Variants in RSRC1 observed in about 807,000 individuals in gnomAD.
RSRC1 encodes arginine and serine rich coiled-coil 1.
Under a neutral mutation model 49.1 loss-of-function variants are expected in RSRC1, and 39 were observed. The ratio of observed to expected loss-of-function variants is 0.79; its 90% confidence interval spans 0.61 to 1.04. The LOEUF (loss-of-function observed/expected upper bound fraction) is 1.04. RSRC1 is among the 50% of genes least tolerant of loss of function. The pLI is 0.00. For synonymous variants in RSRC1, 143 were observed against 130.8 expected, an observed-to-expected ratio of 1.09 and a Z score of -0.63; for missense variants, 388 against 402.4, an observed-to-expected ratio of 0.96 and a Z score of 0.31.
chr3:158,379,873 T>C (rs555293933), intron 6 of RSRC1, among the ~76,000 whole-genome samples: 4 of 151,792 alleles, frequency 2.6e-5, no homozygotes, highest in Non-Finnish European at 5.9e-5. Flanking sequence ...TTGCTTCATT[T>C]TTCTGTTTTA....
intron 8 of RSRC1, among the ~76,000 whole-genome samples, chr3:158,537,773 A>G (rs1417464313): frequency 1.3e-5 from 2 of 151,642 alleles, no homozygotes; most frequent in South Asian, 2.1e-4. Context: ...AAATACATGT[A>G]TTCTTTAATA....
intron 7 of RSRC1, among the ~76,000 whole-genome samples, chr3:158,513,995 T>C: frequency 6.6e-6 from 1 of 152,172 alleles, no homozygotes; most frequent in Non-Finnish European, 1.5e-5. Flanking sequence ...TGCGTCTATT[T>C]GATTCTTCTC....
At chr3:158,506,892 T>C (rs1739885586) in intron 7 of RSRC1, among the ~76,000 whole-genome samples, 3 of 150,622 alleles carry the variant, frequency 2.0e-5, no homozygotes, top group Admixed American at 1.3e-4. Flanking sequence ...ATTTTATGTA[T>C]ATATCCCAAA....
chr3:158,438,755 A>G (rs1018873515), intron 6 of RSRC1, among the ~76,000 whole-genome samples: 8 of 152,206 alleles, frequency 5.3e-5, no homozygotes, highest in Admixed American at 4.6e-4. Context: ...GGACATAGGC[A>G]TGGGCAAGGA....
At position 158,282,949 on chromosome 3, in the gene RSRC1, CAT is replaced by C. The variant is rs368728341; in HGVS notation, c.495-15088_495-15087del. 6.3e-4 allele frequency among the ~76,000 whole-genome samples: 96 copies of C among 152,234 alleles called. No homozygotes were observed. In the South Asian group the frequency reaches 0.019, roughly 30 times the overall value. On this transcript the variant is annotated intron_variant, in intron 4 of 9. Transcript: ENST00000611884. ...GGTTAGTGATAGGAGCCAAAACTAA[CAT>C]AGACAAAGTGGGGATACATTATTGA...
chr3:158,390,958 CTTA>C (rs1374944406), intron 6 of RSRC1, among the ~76,000 whole-genome samples: 13 of 151,386 alleles, frequency 8.6e-5, no homozygotes, highest in Admixed American at 7.9e-4. Flanking sequence ...TCCAAAATTA[CTTA>C]TTATTTTTTC....
chr3:158,504,346 A>T (rs1739753163), intron 7 of RSRC1, among the ~76,000 whole-genome samples: 1 of 152,202 alleles, frequency 6.6e-6, no homozygotes, highest in African/African-American at 2.4e-5. Flanking sequence ...AGCCTCTGTG[A>T]TGCTGTCTGT....
At chr3:158,518,095 CGTGTGTGTGT>C (rs1263691994) in intron 7 of RSRC1, among the ~76,000 whole-genome samples, 2,043 of 76,768 alleles carry the variant, frequency 0.027, 38 homozygotes, top group South Asian at 0.035. Context: ...TAAGTGCGTG[CGTGTGTGTGT>C]GTGTGTGTGT....
At chr3:158,317,253 G>A (rs115562464) in intron 5 of RSRC1, among the ~76,000 whole-genome samples, 2,443 of 152,238 alleles carry the variant, frequency 0.016, 83 homozygotes, top group African/African-American at 0.056. Context: ...TTTTGAGACA[G>A]GGTCTTACTC....
Position 158,506,684 on chromosome 3 carries a change from C to A in RSRC1, c.653-30408C>A, listed in dbSNP as rs555060241. 2.0e-5 allele frequency among the ~76,000 whole-genome samples: 3 copies of A among 151,494 alleles called. No homozygotes were observed. In the South Asian group the frequency reaches 6.2e-4, roughly 31 times the overall value. Reference sequence around the variant, plus strand: ...AAAGACAAAAATTAGTGGTTGCTGGCAAGGATGTAGACAAAAGGAAACCCA... The same window carrying A: ...AAAGACAAAAATTAGTGGTTGCTGGAAAGGATGTAGACAAAAGGAAACCCA... On this transcript the variant is annotated intron_variant, in intron 7 of 9. Transcript: ENST00000611884.
At chr3:158,153,313 A>G (rs375223386) in intron 3 of RSRC1, among the ~76,000 whole-genome samples, 6 of 152,276 alleles carry the variant, frequency 3.9e-5, no homozygotes, top group Admixed American at 1.3e-4. Flanking sequence ...CTCTTCTTGT[A>G]GAGTTGCCAG....
chr3:158,350,030 A>G (rs1730780287), intron 5 of RSRC1, among the ~76,000 whole-genome samples: 1 of 151,306 alleles, frequency 6.6e-6, no homozygotes, highest in South Asian at 2.1e-4. Flanking sequence ...TAATGTCAAC[A>G]CTACCATTTA....
rs995248003 is a variant in RSRC1 at position 158,148,161 on chromosome 3, A to G, written c.320+24170A>G. 3.3e-5 allele frequency among the ~76,000 whole-genome samples: 5 copies of G among 152,210 alleles called. No individual in the cohort carries two copies. The East Asian group carries it at 9.6e-4, about 29-fold the overall frequency. On this transcript the variant is annotated intron_variant, in intron 3 of 9. Transcript: ENST00000611884. ...CCCCAGGAACTTTTTTAAAAAGAGT[A>G]AATGATATGCTTCCTATGTATTTCC...
chr3:158,517,833 G>T (rs1470390890), intron 7 of RSRC1, among the ~76,000 whole-genome samples: 1 of 137,400 alleles, frequency 7.3e-6, no homozygotes, highest in Non-Finnish European at 1.5e-5. Flanking sequence ...TGAAATCGTG[G>T]ACTCAGGCAG....
chr3:158,542,497 T>C (rs895139140), intron 8 of RSRC1, among the ~76,000 whole-genome samples: 1 of 152,220 alleles, frequency 6.6e-6, no homozygotes, highest in Non-Finnish European at 1.5e-5. Flanking sequence ...ATTGTGCCAC[T>C]GCACTCCCAC....
At chr3:158,388,619 T>G (rs558639704) in intron 6 of RSRC1, among the ~76,000 whole-genome samples, 48 of 151,576 alleles carry the variant, frequency 3.2e-4, no homozygotes, top group South Asian at 1.5e-3. Flanking sequence ...TTTGTTTTTT[T>G]TTTTTTTTTG....
intron 7 of RSRC1, among the ~76,000 whole-genome samples, chr3:158,482,878 T>A (rs78963234): frequency 0.013 from 1,924 of 152,122 alleles, 44 homozygotes; most frequent in African/African-American, 0.043. Context: ...AGATGTTGGA[T>A]GTTACATGTA....
chr3:158,315,468 T>C (rs1728377642), intron 5 of RSRC1, among the ~76,000 whole-genome samples: 1 of 152,182 alleles, frequency 6.6e-6, no homozygotes, highest in South Asian at 2.1e-4. Flanking sequence ...AGATAGGCTA[T>C]ATGATTTGTT....
chr3:158,511,894 T>C (rs1475532560), intron 7 of RSRC1, among the ~76,000 whole-genome samples: 1 of 152,156 alleles, frequency 6.6e-6, no homozygotes, highest in Non-Finnish European at 1.5e-5. Flanking sequence ...CATTTTTTCA[T>C]GTGTCTTTTG....
Sources: allele counts gnomAD v4.1 joint callset (sites outside exome capture counted in the v4.1 genomes callset), GRCh38; gene constraint gnomAD v4.1.1; transcripts MANE v1.5; gene names NCBI Gene and HGNC (gene_info 2026-07-23, HGNC 2026-07-21).